Variants in MATN2 observed in about 807,000 individuals in gnomAD.
The protein encoded by MATN2 is matrilin 2.
In MATN2, 69 loss-of-function variants were observed where a neutral mutation model predicts 103.2. The ratio of observed to expected loss-of-function variants is 0.67; its 90% CI spans 0.55 to 0.82. The LOEUF is 0.82. Among genes scored for constraint, MATN2 ranks in the 40% least tolerant of loss-of-function variants. MATN2 has a pLI of 0.00. For missense variants in MATN2, 1,023 were observed against 1,211.5 expected (o/e 0.84, Z 2.31); for synonymous variants, 429 against 450.2 (o/e 0.95, Z 0.60).
intron 10 of MATN2, among the ~76,000 whole-genome samples, chr8:98,010,968 A>C (rs888880508): frequency 2.0e-5 from 3 of 152,288 alleles, no homozygotes; most frequent in Non-Finnish European, 4.4e-5. Context: ...ATCACAAAAT[A>C]CCATAGACTG....
chr8:97,872,455 CACAA>C (rs1029802079), intron 1 of MATN2, among the ~76,000 whole-genome samples: 5 of 152,208 alleles, frequency 3.3e-5, no homozygotes, highest in African/African-American at 1.2e-4. Context: ...TAACAAATTT[CACAA>C]ACATAGTGGC....
intron 1 of MATN2, among the ~76,000 whole-genome samples, chr8:97,876,997 T>C (rs916900684): frequency 3.1e-4 from 42 of 137,680 alleles, no homozygotes; most frequent in African/African-American, 1.1e-3. Flanking sequence ...ATTGTTTCCA[T>C]TCACACTTCT....
At chr8:98,027,925 G>A in intron 14 of MATN2, 96 bp downstream of exon 14, 2 of 1,336,144 alleles carry the variant, frequency 1.5e-6, no homozygotes, top group South Asian at 1.7e-5. Flanking sequence ...AAGCTTCTTT[G>A]AGTGTACAGA....
intron 2 of MATN2, among the ~76,000 whole-genome samples, chr8:97,919,132 C>T (rs1298961881): frequency 6.6e-6 from 1 of 152,154 alleles, no homozygotes; most frequent in Non-Finnish European, 1.5e-5. Context: ...CTTTTCTAGA[C>T]CCTTGGCAGA....
At chr8:97,887,519 T>C (rs1403805205) in intron 1 of MATN2, among the ~76,000 whole-genome samples, 1 of 152,216 alleles carries the variant, frequency 6.6e-6, no homozygotes, top group Non-Finnish European at 1.5e-5. Flanking sequence ...CTCAGTCTAG[T>C]ACCAGAGTCC....
intron 2 of MATN2, among the ~76,000 whole-genome samples, chr8:97,902,646 G>A (rs10102157): frequency 1.3e-5 from 2 of 151,900 alleles, no homozygotes; most frequent in South Asian, 2.1e-4. Flanking sequence ...GAGAGGAGTC[G>A]CTATTGCCTC....
At chr8:97,887,767 T>C (rs1167640317) in intron 1 of MATN2, 4 of 180,860 alleles carry the variant, frequency 2.2e-5, no homozygotes, top group Non-Finnish European at 4.6e-5. Flanking sequence ...AATGTGACTA[T>C]GAGTAATTGA....
intron 16 of MATN2, among the ~76,000 whole-genome samples, 153 bp from the exon 17 acceptor site, chr8:98,032,889 T>C (rs541991572): frequency 1.3e-5 from 2 of 152,294 alleles, no homozygotes; most frequent in Non-Finnish European, 2.9e-5. Context: ...AGATGTTTAC[T>C]CCACTGAAGA....
chr8:97,917,821 A>G (rs1396086228), intron 2 of MATN2, among the ~76,000 whole-genome samples: 1 of 152,192 alleles, frequency 6.6e-6, no homozygotes, highest in African/African-American at 2.4e-5. Flanking sequence ...ATGGTGGCTC[A>G]CACCTGTAAT....
chr8:98,000,975 A>C (rs148173050), intron 7 of MATN2, among the ~76,000 whole-genome samples: 1 of 152,348 alleles, frequency 6.6e-6, no homozygotes, highest in Non-Finnish European at 1.5e-5. Flanking sequence ...GTGAAGGAAG[A>C]TAGAGGTTAG....
At chr8:97,995,384 AT>A (rs932644901) in intron 7 of MATN2, among the ~76,000 whole-genome samples, 78 of 150,164 alleles carry the variant, frequency 5.2e-4, no homozygotes, top group Middle Eastern at 7.0e-3. Context: ...AATTGAAGCT[AT>A]TTTTTTTTTA....
chr8:97,919,565 G>A (rs1180737050), intron 2 of MATN2, among the ~76,000 whole-genome samples: 2 of 152,142 alleles, frequency 1.3e-5, no homozygotes, highest in Non-Finnish European at 2.9e-5. Flanking sequence ...TCGAGCTGTC[G>A]AGTATCCCAG....
chr8:97,986,061 G>A (rs1309924664), intron 6 of MATN2, among the ~76,000 whole-genome samples: 3 of 152,140 alleles, frequency 2.0e-5, no homozygotes, highest in African/African-American at 7.2e-5. Context: ...ATGTCAGAAT[G>A]TGTTCAGGTT....
intron 2 of MATN2, among the ~76,000 whole-genome samples, chr8:97,927,242 C>T (rs1375043364): frequency 1.3e-5 from 2 of 152,198 alleles, no homozygotes; most frequent in African/African-American, 4.8e-5. Context: ...CTCCCAGGTT[C>T]AAGCGATTCT....
intron 11 of MATN2, 109 bp from the exon 12 acceptor site, chr8:98,017,885 G>T: frequency 8.1e-7 from 1 of 1,237,088 alleles, no homozygotes; most frequent in Non-Finnish European, 1.2e-6. Flanking sequence ...ACTGAGCTCA[G>T]GTGGCAGATA....
chr8:97,967,391 G>A, intron 5 of MATN2, among the ~76,000 whole-genome samples: 1 of 151,810 alleles, frequency 6.6e-6, no homozygotes, highest in East Asian at 1.9e-4. Context: ...TCCAAAGTCT[G>A]AAGTGTCATC....
At chr8:97,891,549 G>A in intron 2 of MATN2, among the ~76,000 whole-genome samples, 1 of 151,972 alleles carries the variant, frequency 6.6e-6, no homozygotes, top group Non-Finnish European at 1.5e-5. Flanking sequence ...TGTTGTCCAG[G>A]CTGATCTTGA....
At position 97,900,666 on chromosome 8, in the gene MATN2, TGAC is replaced by T. The variant is rs773799826; in HGVS notation, c.142+12425_142+12427del. On this transcript the variant is annotated intron_variant, in intron 2 of 18. Coordinates refer to ENST00000254898, the MANE Select transcript of MATN2 (RefSeq NM_002380.5). ...TATACTGAGAACCAGCCGGGCGTGGTGACTCACGCCTGTAATCCCAGCACTTTG... is the reference window on the plus strand; with the variant it reads ...TATACTGAGAACCAGCCGGGCGTGGTTCACGCCTGTAATCCCAGCACTTTG... Among the ~76,000 whole-genome samples, 8 of 152,278 alleles carry T rather than the reference TGAC, an allele frequency of 5.3e-5. No homozygotes were observed. In the East Asian group the frequency reaches 9.7e-4, roughly 18 times the overall value.
At chr8:98,019,981 G>A (rs1245191427) in intron 12 of MATN2, among the ~76,000 whole-genome samples, 1 of 152,164 alleles carries the variant, frequency 6.6e-6, no homozygotes, top group African/African-American at 2.4e-5. Context: ...GAAGTTCTGT[G>A]TGAATGACTG....
Sources: gnomAD v4.1 joint callset for allele counts (sites outside exome capture counted in the v4.1 genomes callset) on GRCh38, gnomAD v4.1.1 for gene constraint, MANE v1.5 for transcripts, NCBI Gene and HGNC (gene_info 2026-07-23, HGNC 2026-07-21) for gene names.